The following POLR2E variants were observed in gnomAD, a reference collection of about 807,000 sequenced individuals.
The protein encoded by POLR2E is RNA polymerase II, I and III subunit E, also known as DNA-directed RNA polymerases I, II, and III subunit RPABC1.
POLR2E carries 35 observed loss-of-function variants against 29.8 expected under a neutral mutation model. That is an observed-to-expected ratio of 1.17 (90% CI 0.90 to 1.55). The LOEUF (loss-of-function observed/expected upper bound fraction) is 1.55, where lower values mean the gene tolerates loss of function less well. Ranked by LOEUF, POLR2E falls within the 40% of genes most tolerant of loss-of-function variation. The probability of loss-of-function intolerance (pLI) is 0.00; values close to 1 mark genes in which losing one functional copy is unlikely to be tolerated. For missense variants in POLR2E, 287 were observed against 288.6 expected, an observed-to-expected ratio of 0.99 and a Z score of 0.04; for synonymous variants, 174 against 112.6, an observed-to-expected ratio of 1.55 and a Z score of -3.45.
chr19:1,090,856 C>A, intron 4 of POLR2E, 52 bp downstream of exon 4: 1 of 1,502,086 alleles, frequency 6.7e-7, no homozygotes, highest in Non-Finnish European at 9.2e-7. Flanking sequence ...CACCCACAAA[C>A]GCTGCATCTC....
intron 2 of POLR2E, chr19:1,092,182 G>C: frequency 2.4e-6 from 1 of 411,886 alleles, no homozygotes; most frequent in Non-Finnish European, 4.6e-6. Flanking sequence ...CTTCGACTCT[G>C]AGAGGCTCCC....
chr19:1,091,672 T>A, intron 3 of POLR2E, 120 bp downstream of exon 3: 1 of 694,932 alleles, frequency 1.4e-6, no homozygotes. Context: ...GGCCACATCC[T>A]CCAGGGCACC....
chr19:1,091,049 C>T, intron 3 of POLR2E, 61 bp from the exon 4 acceptor site: 2 of 1,467,986 alleles, frequency 1.4e-6, no homozygotes, highest in Non-Finnish European at 1.9e-6. Context: ...AACCCCATTT[C>T]CTGCCTCAAG....
intron 6 of POLR2E, 39 bp downstream of exon 6, chr19:1,089,845 C>T: frequency 6.5e-7 from 1 of 1,533,538 alleles, no homozygotes; most frequent in Non-Finnish European, 9.0e-7. Context: ...GTGGTCAGCT[C>T]AGAGCAGCCC....
chr19:1,091,621 A>C (rs2043832581), intron 3 of POLR2E, 171 bp downstream of exon 3: 2 of 600,542 alleles, frequency 3.3e-6, no homozygotes, highest in Admixed American at 2.6e-5. Flanking sequence ...GGGCCCATGG[A>C]CGCGGTGGGA....
At position 1,091,000 on chromosome 19, in the gene POLR2E, C is replaced by T. The variant is rs10406195; in HGVS notation, c.349-12G>A. ...ATGTCGACCAGGGACTGGAAGAGAG[C>T]GGCTCTAAGGCACGGCCCGGAGGGG... On this transcript the variant is annotated splice_polypyrimidine_tract_variant and intron_variant, in intron 3 of 7. Transcript: ENST00000615234. 4,784 of 1,612,738 alleles carry T rather than the reference C, an allele frequency of 3.0e-3. 114 individuals are homozygous for T. The African/African-American group carries it at 0.055, about 18-fold the overall frequency.
At chr19:1,091,731 C>A in intron 3 of POLR2E, 61 bp downstream of exon 3, 2 of 1,122,178 alleles carry the variant, frequency 1.8e-6, no homozygotes, top group Non-Finnish European at 2.6e-6. Flanking sequence ...CCTGTGGGTA[C>A]TGCTTGCGGG....
intron 6 of POLR2E, 94 bp downstream of exon 6, chr19:1,089,790 A>T: frequency 9.4e-7 from 1 of 1,059,444 alleles, no homozygotes; most frequent in South Asian, 1.4e-5. Context: ...GCCCTGGATC[A>T]AGGGGGAGGG....
rs150847384 is a variant in POLR2E, at chr19:1,089,944, C to G, written c.507G>C (p.Gln169His). The G allele has an allele frequency of 6.8e-6, 11 of 1,610,322 alleles. No homozygotes were observed. In the South Asian group the frequency reaches 1.2e-4, roughly 18 times the overall value. Reference protein sequence around the residue: ...LLARYKLRENQLPRIQAGDPV... With the variant: ...LLARYKLRENHLPRIQAGDPV... ...GGTCCCCCGCCTGGATCCTGGGCAG[C>G]TGGTTCTCTCGGAGCTTACTGCGAA... Residue 169 changes from glutamine to histidine, a missense_variant, in exon 6 of 8, where the codon CAG becomes CAC. Gln to His is a conservative substitution (Grantham distance 24). Coordinates refer to ENST00000615234, the MANE Select transcript of POLR2E (RefSeq NM_002695.5).
chr19:1,093,784 C>T lies in POLR2E; in HGVS notation c.232+120G>A, dbSNP rs753646850. ...AAGGAAGGGGAGGGGAGTTTTCCTC[C>T]CAGACTGGGCAGAGAGACAAATGCT... On this transcript the variant is annotated intron_variant, in intron 2 of 7. Coordinates refer to ENST00000615234, the MANE Select transcript of POLR2E (RefSeq NM_002695.5). 3.5e-6 allele frequency: 5 copies of T among 1,420,242 alleles called. No homozygotes were observed. In the East Asian group the frequency reaches 1.1e-4, roughly 31 times the overall value. The allele number at this position is 1,420,242 out of a possible 1,614,324, so 88.0% of individuals were successfully genotyped here.
Position 1,088,079 on chromosome 19 carries a change from G to T in POLR2E, c.*656C>A, listed in dbSNP as rs2238586. On this transcript the variant is annotated 3_prime_UTR_variant, in exon 8 of 8. Coordinates refer to ENST00000615234, the MANE Select transcript of POLR2E (RefSeq NM_002695.5). Reference sequence around the variant, plus strand: ...GGAGACACTGACCCCTGAAGCCAGCGCGAGGAGGGCACACCTGCCAGGCTG... The same window carrying T: ...GGAGACACTGACCCCTGAAGCCAGCTCGAGGAGGGCACACCTGCCAGGCTG... The T allele has an allele frequency of 0.77, 117,817 of 152,376 alleles. 45,992 individuals are homozygous for T. The highest frequency in any genetic ancestry group is 0.85 in the African/African-American group (35,240 of 41,506). The allele number at this position is 152,376 out of a possible 1,614,324, so 9.4% of individuals were successfully genotyped here.
intron 2 of POLR2E, among the ~76,000 whole-genome samples, chr19:1,093,531 G>A (rs961199733): frequency 7.2e-5 from 11 of 152,108 alleles, no homozygotes; most frequent in Non-Finnish European, 1.2e-4. Flanking sequence ...AGGAGGCTGC[G>A]CTGACCCAGA....
At chr19:1,089,619 G>T in intron 6 of POLR2E, 68 bp from the exon 7 acceptor site, 1 of 1,355,338 alleles carries the variant, frequency 7.4e-7, no homozygotes, top group South Asian at 1.2e-5. Context: ...GACAGCAGGC[G>T]GGCAGCACAC....
rs1266747625 is a variant in POLR2E, at chr19:1,090,999, G to C, written c.349-11C>G. 1 of 1,613,040 alleles carries C rather than the reference G, an allele frequency of 6.2e-7. No homozygotes were observed. The highest frequency in any genetic ancestry group is 8.5e-7 in the Non-Finnish European group (1 of 1,179,718). On this transcript the variant is annotated splice_polypyrimidine_tract_variant and intron_variant, in intron 3 of 7. Transcript: ENST00000615234. ...CATGTCGACCAGGGACTGGAAGAGA[G>C]CGGCTCTAAGGCACGGCCCGGAGGG...
intron 3 of POLR2E, 123 bp from the exon 4 acceptor site, chr19:1,091,111 G>C: frequency 4.0e-6 from 3 of 749,574 alleles, no homozygotes; most frequent in South Asian, 3.4e-5. Flanking sequence ...TCGTGAATCA[G>C]AAAACCCCAC....
chr19:1,089,464 C>G lies in POLR2E; in HGVS notation c.*14+8G>C. 1 of 1,600,906 alleles carries G rather than the reference C, an allele frequency of 6.2e-7. No individual in the cohort carries two copies. Among genetic ancestry groups the G allele is most frequent in the Non-Finnish European group, 8.6e-7 (1 of 1,168,514 alleles). On this transcript the variant is annotated splice_region_variant and intron_variant, in intron 7 of 7. Transcript: ENST00000615234. ...CCCACCTCAGTGCCTGTCCCTCGGC[C>G]GTCTCACCTGTCAGGCGGTAGCTAC...
intron 6 of POLR2E, 45 bp downstream of exon 6, chr19:1,089,839 T>C: frequency 6.8e-7 from 1 of 1,474,404 alleles, no homozygotes; most frequent in South Asian, 1.1e-5. Flanking sequence ...CTCCGAGTGG[T>C]CAGCTCAGAG....
At chr19:1,090,414 T>C (rs2043804378) in intron 4 of POLR2E, among the ~76,000 whole-genome samples, 1 of 144,624 alleles carries the variant, frequency 6.9e-6, no homozygotes, top group Non-Finnish European at 1.5e-5. Context: ...CCCTCCACAC[T>C]CCCAGCAGTC....
chr19:1,091,231 C>G (rs998167593), intron 3 of POLR2E, among the ~76,000 whole-genome samples: 3 of 152,258 alleles, frequency 2.0e-5, no homozygotes, highest in African/African-American at 4.8e-5. Context: ...TTCCATCCAT[C>G]ACACGCTTCC....
Sources: gnomAD v4.1 joint callset for allele counts (sites outside exome capture counted in the v4.1 genomes callset) on GRCh38, gnomAD v4.1.1 for gene constraint, MANE v1.5 for transcripts, NCBI Gene and HGNC (gene_info 2026-07-23, HGNC 2026-07-21) for gene names.